ESR2: variants seen among roughly 807,000 people sequenced by gnomAD.
ESR2 encodes estrogen receptor beta.
In ESR2, 36 loss-of-function variants were observed where a neutral mutation model predicts 49.6. That is an observed-to-expected ratio of 0.73 (90% CI 0.56 to 0.96). ESR2 has a LOEUF of 0.96. Ranked by LOEUF, ESR2 falls within the 40% of genes least tolerant of loss-of-function variation. The pLI, the probability that ESR2 is intolerant of heterozygous loss-of-function variation, is 0.00. For synonymous variants in ESR2, 320 were observed against 266.1 expected (o/e 1.20, Z -1.97); for missense variants, 714 against 693.0 (o/e 1.03, Z -0.34).
chr14:64,273,476 TTC>T (rs1210941482), intron 3 of ESR2, among the ~76,000 whole-genome samples: 1 of 152,172 alleles, frequency 6.6e-6, no homozygotes, highest in Non-Finnish European at 1.5e-5. Context: ...CTGAGGTATA[TTC>T]TGTCTATACC....
rs1399091013 is a variant in ESR2, at chr14:64,280,086, T to C, written c.430A>G (p.Arg144Gly). 5 of 1,613,990 alleles carry C rather than the reference T, an allele frequency of 3.1e-6. No homozygotes were observed. The highest frequency in any genetic ancestry group is 4.2e-6 in the Non-Finnish European group (5 of 1,179,946). ...ASPVTGPGSK[R>G]DAHFCAVCSD... is the part of the protein sequence containing the mutation. ...CAGACAGCGCAGAAGTGAGCATCCC[T>C]CTTTGAACCTGGACCAGTAACAGGG... Residue 144 changes from arginine (R) to glycine (G), a missense_variant, in exon 3 of 9, where the codon AGG becomes GGG. Physicochemically the swap from Arg to Gly is moderately radical, Grantham distance 125. Coordinates refer to ENST00000341099, the MANE Select transcript of ESR2 (RefSeq NM_001437.3).
intron 3 of ESR2, among the ~76,000 whole-genome samples, chr14:64,277,396 C>G (rs374314403): frequency 6.6e-6 from 1 of 151,950 alleles, no homozygotes; most frequent in Non-Finnish European, 1.5e-5. Flanking sequence ...GAGGCCGAGG[C>G]GGGCGGATCA....
intron 7 of ESR2, among the ~76,000 whole-genome samples, chr14:64,241,885 CCTCTT>C (rs2075735785): frequency 6.6e-6 from 1 of 152,156 alleles, no homozygotes; most frequent in South Asian, 2.1e-4. Context: ...ATGCCTTTTA[CCTCTT>C]TTCTTGCCTT....
upstream of ESR2, chr14:64,338,528 C>G (rs1486575371): frequency 2.6e-5 from 4 of 154,524 alleles, no homozygotes; most frequent in South Asian, 2.0e-4. Flanking sequence ...CCATTACTGC[C>G]TGGAAGCCGG....
chr14:64,324,026 A>G (rs1012904531), intron 1 of ESR2, among the ~76,000 whole-genome samples: 2 of 152,210 alleles, frequency 1.3e-5, no homozygotes. Flanking sequence ...TGGTTGTTCA[A>G]TAAGTATTGA....
At chr14:64,227,810 A>T, downstream of ESR2, 1 of 1,562,560 alleles carries the variant, frequency 6.4e-7, no homozygotes, top group East Asian at 2.2e-5. Context: ...AAACTCTTTT[A>T]TGAGGTAGTC....
intron 1 of ESR2, among the ~76,000 whole-genome samples, chr14:64,335,495 C>G (rs1042353165): frequency 2.6e-5 from 4 of 152,174 alleles, no homozygotes; most frequent in African/African-American, 9.7e-5. Flanking sequence ...TCACCATGTC[C>G]TTAAATGACT....
At position 64,260,575 on chromosome 14, in the gene ESR2, C is replaced by A; in HGVS notation, c.826G>T (p.Glu276Ter). The A allele has an allele frequency of 1.2e-6, 2 of 1,603,700 alleles. No individual in the cohort carries two copies. Among genetic ancestry groups the A allele is most frequent in the African/African-American group, 1.3e-5 (1 of 74,646 alleles). ...CGGCTGATCAGCACATGGGGCGGCT[C>A]AGCCTCCAGGAGGGTGAGCACTAGC... ...EQLVLTLLEA[E>*]PPHVLISRPS... The change falls in exon 5 of 9, where the codon GAG becomes TAG. Residue 276 changes from glutamate to a stop codon, truncating the protein, a stop_gained. Transcript: ENST00000341099. LOFTEE classifies it high-confidence loss of function.
chr14:64,281,774 G>A (rs151057118), intron 2 of ESR2, among the ~76,000 whole-genome samples: 38 of 152,074 alleles, frequency 2.5e-4, no homozygotes, highest in Non-Finnish European at 4.7e-4. Context: ...TTAACTTCAG[G>A]GAATGTCAAC....
intron 3 of ESR2, among the ~76,000 whole-genome samples, chr14:64,276,039 T>C (rs937622129): frequency 3.3e-5 from 5 of 152,138 alleles, no homozygotes; most frequent in African/African-American, 1.2e-4. Context: ...AATTAAATAA[T>C]AAAATGTAAA....
At chr14:64,243,388 A>T (rs2075779687) in intron 7 of ESR2, among the ~76,000 whole-genome samples, 2 of 152,258 alleles carry the variant, frequency 1.3e-5, no homozygotes, top group African/African-American at 2.4e-5. Flanking sequence ...TCAAAATTTG[A>T]CACAGACATA....
chr14:64,257,216 T>A lies in ESR2; in HGVS notation c.1091+10A>T. ...AAGTCAGAGAAGAAACACAATGTAT[T>A]TTTTCTCACCTGTCCAGAACAAGAT... On this transcript the variant is annotated intron_variant, in intron 6 of 8. Transcript: ENST00000341099. The A allele has an allele frequency of 2.5e-6, 4 of 1,613,790 alleles. No homozygotes were observed. Among genetic ancestry groups the A allele is most frequent in the Non-Finnish European group, 3.4e-6 (4 of 1,179,812 alleles).
intron 1 of ESR2, among the ~76,000 whole-genome samples, chr14:64,300,080 C>T (rs1288071973): frequency 2.0e-5 from 3 of 152,158 alleles, no homozygotes; most frequent in Non-Finnish European, 4.4e-5. Context: ...GACTGCTGTC[C>T]TGGCATGACA....
intron 4 of ESR2, among the ~76,000 whole-genome samples, chr14:64,265,700 T>C (rs974249752): frequency 3.9e-5 from 6 of 152,220 alleles, no homozygotes; most frequent in African/African-American, 1.4e-4. Context: ...TAATGAAGTT[T>C]CATCCATAAA....
intron 1 of ESR2, among the ~76,000 whole-genome samples, chr14:64,288,256 T>G (rs893089647): frequency 6.6e-6 from 1 of 151,944 alleles, no homozygotes; most frequent in Admixed American, 6.6e-5. Context: ...AAGAAAAAAG[T>G]AGTATTTAAA....
At chr14:64,269,521 T>C (rs896839241) in intron 3 of ESR2, among the ~76,000 whole-genome samples, 1 of 152,240 alleles carries the variant, frequency 6.6e-6, no homozygotes, top group Non-Finnish European at 1.5e-5. Context: ...CAGTTGATGT[T>C]GGGCTTGACC....
chr14:64,241,676 T>G (rs898253494), intron 7 of ESR2, among the ~76,000 whole-genome samples: 1 of 152,262 alleles, frequency 6.6e-6, no homozygotes, highest in Non-Finnish European at 1.5e-5. Context: ...CAATGTTTGA[T>G]GCTATTGTAA....
upstream of ESR2, chr14:64,294,387 C>T (rs1389403439): frequency 6.6e-6 from 1 of 152,442 alleles, no homozygotes. Context: ...AACGATAAGC[C>T]CCTTCTTCCT....
intron 1 of ESR2, among the ~76,000 whole-genome samples, chr14:64,309,963 G>A (rs2077165125): frequency 6.6e-6 from 1 of 152,144 alleles, no homozygotes; most frequent in Admixed American, 6.5e-5. Context: ...GCGGGCGCCT[G>A]TAGTCCCAGC....
Sources: allele counts gnomAD v4.1 joint callset (sites outside exome capture counted in the v4.1 genomes callset), GRCh38; gene constraint gnomAD v4.1.1; transcripts MANE v1.5; gene names NCBI Gene and HGNC (gene_info 2026-07-23, HGNC 2026-07-21).